Variants in MMP13 observed in about 807,000 individuals in gnomAD.
MMP13 encodes the protein matrix metallopeptidase 13.
A neutral mutation model predicts 52.1 loss-of-function variants in MMP13; 45 were observed. The observed-to-expected ratio is 0.86, with a 90% CI of 0.68 to 1.11. MMP13 has a LOEUF of 1.11. MMP13 is among the 50% of genes least tolerant of loss of function. The pLI is 0.00. For missense variants in MMP13, 576 were observed against 583.8 expected (o/e 0.99, Z 0.14); for synonymous variants, 200 against 204.4 (o/e 0.98, Z 0.18).
intron 9 of MMP13, among the ~76,000 whole-genome samples, 177 bp downstream of exon 9, chr11:102,945,469 A>C (rs1342542138): frequency 6.6e-6 from 1 of 152,102 alleles, no homozygotes; most frequent in African/African-American, 2.4e-5. Flanking sequence ...TATTTATTCT[A>C]ACCATGTTTT....
chr11:102,945,762 A>G lies in MMP13; in HGVS notation c.1212-13T>C, dbSNP rs781872133. On this transcript the variant is annotated splice_polypyrimidine_tract_variant and intron_variant, in intron 8 of 9. Transcript: ENST00000260302. ...AGTATCATCATATCTATTTAAAGAA[A>G]AAAAACTCCTAAGTCAGTTATATTT... The G allele has an allele frequency of 7.4e-7, 1 of 1,351,958 alleles. No homozygotes were observed. Among genetic ancestry groups the G allele is most frequent in the Non-Finnish European group, 1.1e-6 (1 of 946,266 alleles). 83.7% of individuals were successfully genotyped at this position (1,351,958 alleles called of 1,614,324 possible).
chr11:102,949,593 G>A lies in MMP13; in HGVS notation c.918-435C>T, dbSNP rs1860575207. 1.3e-5 allele frequency among the ~76,000 whole-genome samples: 2 copies of A among 152,160 alleles called. No homozygotes were observed. Among genetic ancestry groups the A allele is most frequent in the South Asian group, 4.2e-4 (2 of 4,810 alleles). ...CAATGTAATTAGAGTTATAACAGAGGGGATAAACATGCTATTGGATCACAG... is the reference window on the plus strand; with the variant it reads ...CAATGTAATTAGAGTTATAACAGAGAGGATAAACATGCTATTGGATCACAG... On this transcript the variant is annotated intron_variant, in intron 6 of 9. Transcript: ENST00000260302. The surrounding 1 kb of genome is among the most constrained non-coding windows in gnomAD (Gnocchi z 4.2).
intron 9 of MMP13, among the ~76,000 whole-genome samples, chr11:102,944,771 CTT>C (rs557080076): frequency 2.0e-4 from 19 of 95,720 alleles, no homozygotes; most frequent in African/African-American, 4.4e-4. Flanking sequence ...CCACTCCCAG[CTT>C]TTTTTTTTTT....
At chr11:102,947,833 A>G in intron 8 of MMP13, 58 bp downstream of exon 8, 1 of 1,567,526 alleles carries the variant, frequency 6.4e-7, no homozygotes, top group Non-Finnish European at 8.8e-7. Context: ...GTAGTGACAG[A>G]TGTTTGAGGC....
chr11:102,954,057 T>TA (rs1354134257), intron 4 of MMP13, 99 bp downstream of exon 4: 1 of 1,352,620 alleles, frequency 7.4e-7, no homozygotes, highest in Admixed American at 2.0e-5. Context: ...TATAGTCAAA[T>TA]ACCAAATATA....
In MMP13 at chr11:102,955,613, C is replaced by T; in HGVS notation, c.93G>A (p.Leu31=). ...CTGCAAACTGGAGGTCTTCCTCAGA[C>T]AAATCATCTTCATCACCACCACTGG... is the stretch of plus-strand genomic sequence containing the variant. ...PLPSGGDEDD[L]SEEDLQFAER... is the part of the protein sequence containing the mutation. The change falls in exon 1 of 10, where the codon TTG becomes TTA. Residue 31 remains leucine (L), a synonymous_variant. Transcript: ENST00000260302. This position sits in a 1 kb window ranked among gnomAD's most constrained non-coding sequence, Gnocchi z 4.9. 1 of 1,614,002 alleles carries T rather than the reference C, an allele frequency of 6.2e-7. No homozygotes were observed. Among genetic ancestry groups the T allele is most frequent in the Non-Finnish European group, 8.5e-7 (1 of 1,179,926 alleles).
rs1860445290 is a variant in MMP13 at position 102,943,642 on chromosome 11, C to G, written c.*624G>C. The G allele has an allele frequency of 6.6e-6, 1 of 152,418 alleles. No homozygotes were observed. Among genetic ancestry groups the G allele is most frequent in the African/African-American group, 2.4e-5 (1 of 41,448 alleles). 9.4% of individuals were successfully genotyped at this position (152,418 alleles called of 1,614,324 possible). On this transcript the variant is annotated 3_prime_UTR_variant, in exon 10 of 10. Coordinates refer to ENST00000260302, the MANE Select transcript of MMP13 (RefSeq NM_002427.4). ...GTCATTGCCAAAAGTGAAAATTAAA[C>G]AGAATTCAAAGGCCACATCTACTAT... is the stretch of plus-strand genomic sequence containing the variant.
Position 102,943,693 on chromosome 11 carries a change from G to A in MMP13, c.*573C>T, listed in dbSNP as rs1860446547. 1 of 155,010 alleles carries A rather than the reference G, an allele frequency of 6.5e-6. No homozygotes were observed. Among genetic ancestry groups the A allele is most frequent in the Non-Finnish European group, 1.4e-5 (1 of 69,868 alleles). 9.6% of individuals were successfully genotyped at this position (155,010 alleles called of 1,614,324 possible). A position where few individuals can be genotyped will look rare whatever the true frequency, so the allele number is the denominator to read the frequency against. ...TCTTACCACTGCTCTTTTGTCTCCT[G>A]TCTTTAATGACTTTGATATTTCGTT... is the stretch of plus-strand genomic sequence containing the variant. On this transcript the variant is annotated 3_prime_UTR_variant, in exon 10 of 10. Coordinates refer to ENST00000260302, the MANE Select transcript of MMP13 (RefSeq NM_002427.4).
At position 102,943,507 on chromosome 11, in the gene MMP13, T is replaced by C. The variant is rs1860442758; in HGVS notation, c.*759A>G. 6.6e-6 allele frequency: 1 copy of C among 152,210 alleles called. No individual in the cohort carries two copies. Among genetic ancestry groups the C allele is most frequent in the Admixed American group, 6.5e-5 (1 of 15,270 alleles). 9.4% of individuals were successfully genotyped at this position (152,210 alleles called of 1,614,324 possible). On this transcript the variant is annotated 3_prime_UTR_variant, in exon 10 of 10. Coordinates refer to ENST00000260302, the MANE Select transcript of MMP13 (RefSeq NM_002427.4). ...TATTTTGATAACAATTTTAACTTTG[T>C]AATGTGTGACTTCTGAAGAACCTGA...
chr11:102,945,859 T>A (rs1454500957), intron 8 of MMP13, 110 bp from the exon 9 acceptor site: 7 of 643,734 alleles, frequency 1.1e-5, no homozygotes, highest in Non-Finnish European at 1.9e-5. Flanking sequence ...ATTTTAAAAT[T>A]TTCAGTCCAT....
intron 8 of MMP13, among the ~76,000 whole-genome samples, chr11:102,946,772 C>T (rs1324912897): frequency 2.0e-5 from 3 of 152,054 alleles, no homozygotes; most frequent in Non-Finnish European, 4.4e-5. Flanking sequence ...GAATGAAATG[C>T]GGTACCTGGT....
intron 9 of MMP13, chr11:102,945,114 G>A (rs1555016496): frequency 2.9e-6 from 1 of 340,382 alleles, no homozygotes; most frequent in East Asian, 9.5e-5. Context: ...CATGGTGGCA[G>A]GCACCTGTAA....
intron 7 of MMP13, 46 bp downstream of exon 7, chr11:102,948,979 C>T (rs376048639): frequency 1.9e-6 from 3 of 1,611,426 alleles, no homozygotes; most frequent in African/African-American, 2.7e-5. Context: ...AAATTCAGCA[C>T]TGCCTCCCCT....
intron 8 of MMP13, among the ~76,000 whole-genome samples, chr11:102,947,628 G>T (rs1326258044): frequency 2.0e-5 from 3 of 150,712 alleles, no homozygotes; most frequent in Non-Finnish European, 4.4e-5. Flanking sequence ...ACAACAAATG[G>T]CTAAGAAAAG....
At position 102,955,699 on chromosome 11, in the gene MMP13, G is replaced by A. The variant is rs1469133960; in HGVS notation, c.7C>T (p.Pro3Ser). MHPGVLAAFLFLS... is the reference protein window; with the variant it reads MHSGVLAAFLFLS... ...AAGAGGAAGGCAGCCAGGACCCCTGGATGCATCTTGAATGGTGATGCCTGG... is the reference window on the plus strand; with the variant it reads ...AAGAGGAAGGCAGCCAGGACCCCTGAATGCATCTTGAATGGTGATGCCTGG... The change falls in exon 1 of 10, where the codon CCA becomes TCA. Residue 3 changes from proline to serine, a missense_variant. Pro to Ser is a moderately conservative substitution (Grantham distance 74). Transcript: ENST00000260302. This position sits in a 1 kb window ranked among gnomAD's most constrained non-coding sequence, Gnocchi z 4.9. 6 of 1,613,900 alleles carry A rather than the reference G, an allele frequency of 3.7e-6. No individual in the cohort carries two copies. Among genetic ancestry groups the A allele is most frequent in the Non-Finnish European group, 4.2e-6 (5 of 1,179,872 alleles).
intron 2 of MMP13, among the ~76,000 whole-genome samples, chr11:102,954,873 G>A (rs918192405): frequency 3.3e-5 from 5 of 152,158 alleles, no homozygotes; most frequent in African/African-American, 7.2e-5. Context: ...AATTTATTTT[G>A]CATGCTAAAA....
rs760359971 is a variant in MMP13, at chr11:102,955,326, G to T, written c.288C>A (p.Cys96Ter). The T allele has an allele frequency of 2.5e-6, 4 of 1,613,904 alleles. No individual in the cohort carries two copies. Among genetic ancestry groups the T allele is most frequent in the Non-Finnish European group, 3.4e-6 (4 of 1,179,904 alleles). ...NTLDVMKKPR[C>*]GVPDVGEYNV... ...TGTATTCACCCACATCAGGAACCCC[G>T]CATCTTGGCTTTTTCATGACATCTA... Residue 96 changes from cysteine (C) to a stop codon, truncating the protein, a stop_gained, in exon 2 of 10, where the codon TGC becomes TGA. Transcript: ENST00000260302. LOFTEE classifies it high-confidence loss of function. The surrounding 1 kb of genome is among the most constrained non-coding windows in gnomAD (Gnocchi z 4.9).
At position 102,954,530 on chromosome 11, in the gene MMP13, C is replaced by T. The variant is rs368343121; in HGVS notation, c.439G>A (p.Asp147Asn). Residue 147 changes from aspartate (D) to asparagine (N), a missense_variant, in exon 3 of 10, where the codon GAT (aspartate) becomes AAT (asparagine). Asp to Asn is a conservative substitution (Grantham distance 23). Transcript: ENST00000260302. ...CTGGTAAAATTCAGAGGAGTTACATCGGACCAAACTTTGAAGGCTTTTTTG... is the reference window on the plus strand; with the variant it reads ...CTGGTAAAATTCAGAGGAGTTACATTGGACCAAACTTTGAAGGCTTTTTTG... ...AFKKAFKVWS[D>N]VTPLNFTRLH... 8 of 1,613,492 alleles carry T rather than the reference C, an allele frequency of 5.0e-6. No homozygotes were observed. The highest frequency in any genetic ancestry group is 4.5e-5 in the East Asian group (2 of 44,854).
chr11:102,945,258 G>A, intron 9 of MMP13: 1 of 876,486 alleles, frequency 1.1e-6, no homozygotes, highest in African/African-American at 1.8e-5. Flanking sequence ...AAAAAAAAAG[G>A]TTGAGAACAT....
Sources: allele counts gnomAD v4.1 joint callset (sites outside exome capture counted in the v4.1 genomes callset), GRCh38; gene constraint gnomAD v4.1.1; non-coding constraint Gnocchi (gnomAD v3.1); transcripts MANE v1.5; gene names NCBI Gene and HGNC (gene_info 2026-07-23, HGNC 2026-07-21).